The following MED26 variants were observed in gnomAD, a reference collection of about 807,000 sequenced individuals.
The protein encoded by MED26 is mediator complex subunit 26, also known as mediator of RNA polymerase II transcription subunit 26.
In MED26, 7 loss-of-function variants were observed where a neutral mutation model predicts 43.7. That is an observed-to-expected ratio of 0.16 (90% CI 0.09 to 0.30). The LOEUF (loss-of-function observed/expected upper bound fraction) is 0.30. MED26 is among the 10% of genes least tolerant of loss of function. The pLI, the probability that MED26 is intolerant of heterozygous loss-of-function variation, is 1.00. For synonymous variants in MED26, 375 were observed against 371.1 expected, an observed-to-expected ratio of 1.01 and a Z score of -0.12; for missense variants, 784 against 840.6, an observed-to-expected ratio of 0.93 and a Z score of 0.83.
rs1599326802 is a variant in MED26 at position 16,575,968 on chromosome 19, G to A, written c.*59C>T. The A allele has an allele frequency of 6.6e-7, 1 of 1,519,124 alleles. No individual in the cohort carries two copies. The highest frequency in any genetic ancestry group is 2.3e-5 in the East Asian group (1 of 42,978). 94.1% of individuals were successfully genotyped at this position (1,519,124 alleles called of 1,614,324 possible). A position where few individuals can be genotyped will look rare whatever the true frequency, so the allele number is the denominator to read the frequency against. On this transcript the variant is annotated 3_prime_UTR_variant, in exon 3 of 3. Transcript: ENST00000263390. ...CTGGGCCCCGGCCACCTGCCCACCT[G>A]CCTGCCCGCCCACCCGGCTTCTGCA... is the stretch of plus-strand genomic sequence containing the variant.
At chr19:16,610,068 C>T (rs529278669) in intron 1 of MED26, among the ~76,000 whole-genome samples, 2 of 151,588 alleles carry the variant, frequency 1.3e-5, no homozygotes, top group East Asian at 1.9e-4. Flanking sequence ...TCAAGACCAG[C>T]CTGGGCAACA....
chr19:16,599,145 C>A (rs1283234117), intron 1 of MED26, among the ~76,000 whole-genome samples: 1 of 152,118 alleles, frequency 6.6e-6, no homozygotes, highest in Non-Finnish European at 1.5e-5. Flanking sequence ...TTTTGATTGC[C>A]CTTTCCATTT....
intron 1 of MED26, among the ~76,000 whole-genome samples, chr19:16,614,165 A>T (rs1319861249): frequency 6.6e-6 from 1 of 152,180 alleles, no homozygotes. Context: ...GATCTGCTCC[A>T]AGGTCACCAA....
intron 1 of MED26, among the ~76,000 whole-genome samples, chr19:16,600,340 C>G (rs1033692794): frequency 6.6e-6 from 1 of 152,200 alleles, no homozygotes; most frequent in African/African-American, 2.4e-5. Context: ...ATGACTGGGA[C>G]CCCTGGCCCT....
chr19:16,603,026 A>AACAAAT (rs2086156959), intron 1 of MED26, among the ~76,000 whole-genome samples: 1 of 152,178 alleles, frequency 6.6e-6, no homozygotes, highest in Non-Finnish European at 1.5e-5. Flanking sequence ...CAAAAACAAA[A>AACAAAT]ACACCAGCGG....
intron 1 of MED26, among the ~76,000 whole-genome samples, chr19:16,622,473 C>T (rs2086256322): frequency 6.6e-6 from 1 of 152,252 alleles, no homozygotes; most frequent in African/African-American, 2.4e-5. Context: ...CCTTTAAATA[C>T]AGCATGTAGA....
rs545937352 is a variant in MED26 at position 16,586,897 on chromosome 19, T to A, written c.73-8488A>T. Reference sequence around the variant, plus strand: ...AACCGGTTCACTTTAAAAACAACAATGGGGATGTTGTCGGGTTTTTTTTTT... The same window carrying A: ...AACCGGTTCACTTTAAAAACAACAAAGGGGATGTTGTCGGGTTTTTTTTTT... On this transcript the variant is annotated intron_variant, in intron 1 of 2. Coordinates refer to ENST00000263390, the MANE Select transcript of MED26 (RefSeq NM_004831.5). This position sits in a 1 kb window ranked among gnomAD's most constrained non-coding sequence, Gnocchi z 5.1. 68 of 149,050 alleles carry A rather than the reference T, an allele frequency of 4.6e-4. No individual in the cohort carries two copies. Among genetic ancestry groups the A allele is most frequent in the African/African-American group, 1.7e-3 (67 of 40,314 alleles). 9.2% of individuals were successfully genotyped at this position (149,050 alleles called of 1,614,324 possible). A position where few individuals can be genotyped will look rare whatever the true frequency, so the allele number is the denominator to read the frequency against.
At chr19:16,600,129 T>TGGCTGTGGTGCACCCTCCCTAGGTCCCCC (rs1446879998) in intron 1 of MED26, among the ~76,000 whole-genome samples, 1 of 152,152 alleles carries the variant, frequency 6.6e-6, no homozygotes, top group Non-Finnish European at 1.5e-5. Flanking sequence ...AGCACCTCCC[T>TGGCTGTGGTGCACCCTCCCTAGGTCCCCC]GGCTGTGGTG....
At position 16,575,921 on chromosome 19, in the gene MED26, G is replaced by T; in HGVS notation, c.*106C>A. 2.3e-6 allele frequency: 2 copies of T among 882,272 alleles called. No homozygotes were observed. Among genetic ancestry groups the T allele is most frequent in the Non-Finnish European group, 3.4e-6 (2 of 589,540 alleles). 54.7% of individuals were successfully genotyped at this position (882,272 alleles called of 1,614,324 possible). On this transcript the variant is annotated 3_prime_UTR_variant, in exon 3 of 3. Coordinates refer to ENST00000263390, the MANE Select transcript of MED26 (RefSeq NM_004831.5). ...CCCTCCCGCCTGGGCCGGACTCCCC[G>T]AGTTCCCAGCGCAGGAGGCAGCTGG... is the stretch of plus-strand genomic sequence containing the variant.
chr19:16,624,079 A>C (rs973004494), intron 1 of MED26, among the ~76,000 whole-genome samples: 2 of 152,010 alleles, frequency 1.3e-5, no homozygotes, highest in Non-Finnish European at 2.9e-5. Context: ...GTTAGTTGAG[A>C]AACTTCACAC....
Position 16,576,826 on chromosome 19 carries a change from G to T in MED26, c.1004C>A (p.Ala335Glu). The T allele has an allele frequency of 6.2e-7, 1 of 1,609,144 alleles. No individual in the cohort carries two copies. The highest frequency in any genetic ancestry group is 1.7e-5 in the Admixed American group (1 of 59,726). Reference protein sequence around the residue: ...PVRRLELLPSAESPVCWLEQP... With the variant: ...PVRRLELLPSEESPVCWLEQP... The stretch of plus-strand genomic sequence containing the variant: ...CTCAAGCCAGCACACTGGGCTTTCC[G>T]CACTGGGCAGCAGCTCGAGCCGCCG... Residue 335 changes from alanine (A) to glutamate (E), a missense_variant, in exon 3 of 3, where the codon GCG (alanine) becomes GAG (glutamate). Physicochemically the swap from Ala to Glu is moderately radical, Grantham distance 107 (BLOSUM62 -1). Transcript: ENST00000263390. This position sits in a 1 kb window ranked among gnomAD's most constrained non-coding sequence, Gnocchi z 6.8.
At chr19:16,627,717 G>A (rs531213260) in intron 1 of MED26, among the ~76,000 whole-genome samples, 155 bp downstream of exon 1, 2 of 152,342 alleles carry the variant, frequency 1.3e-5, no homozygotes, top group South Asian at 2.1e-4. Context: ...CCCCCGGCCC[G>A]GGCCCGAGAA....
chr19:16,628,101 G>A lies in MED26; in HGVS notation c.-158C>T. On this transcript the variant is annotated 5_prime_UTR_variant, in exon 1 of 3. Coordinates refer to ENST00000263390, the MANE Select transcript of MED26 (RefSeq NM_004831.5). Reference sequence around the variant, plus strand: ...GCGCGGGGTGGCGGAGAGGGGAGCCGGGGCCGGGTCTCGGTCCCGGGCCGC... The same window carrying A: ...GCGCGGGGTGGCGGAGAGGGGAGCCAGGGCCGGGTCTCGGTCCCGGGCCGC... 1 of 389,282 alleles carries A rather than the reference G, an allele frequency of 2.6e-6. No individual in the cohort carries two copies. Among genetic ancestry groups the A allele is most frequent in the Non-Finnish European group, 4.5e-6 (1 of 223,218 alleles). 24.1% of individuals were successfully genotyped at this position (389,282 alleles called of 1,614,324 possible).
chr19:16,585,056 C>T (rs1423362911), intron 1 of MED26, among the ~76,000 whole-genome samples: 3 of 152,166 alleles, frequency 2.0e-5, no homozygotes, highest in African/African-American at 7.2e-5. Context: ...AAGTCTCAGG[C>T]CTCCTAACTG....
At chr19:16,583,855 G>A (rs1393340072) in intron 1 of MED26, among the ~76,000 whole-genome samples, 3 of 152,174 alleles carry the variant, frequency 2.0e-5, no homozygotes, top group Non-Finnish European at 4.4e-5. Context: ...CAAGCAGGGA[G>A]GCCTGGTCTC....
chr19:16,599,448 G>A (rs184531633), intron 1 of MED26, among the ~76,000 whole-genome samples: 40 of 152,248 alleles, frequency 2.6e-4, no homozygotes, highest in Non-Finnish European at 5.3e-4. Context: ...GATGTGTGGT[G>A]TCTCCAGACC....
At chr19:16,627,296 G>T (rs1005448790) in intron 1 of MED26, among the ~76,000 whole-genome samples, 1 of 152,178 alleles carries the variant, frequency 6.6e-6, no homozygotes, top group South Asian at 2.1e-4. Context: ...AGTCACAGAA[G>T]GGAGACAGAC....
intron 1 of MED26, among the ~76,000 whole-genome samples, chr19:16,598,691 C>A (rs981853765): frequency 5.9e-5 from 9 of 152,182 alleles, no homozygotes; most frequent in Admixed American, 5.9e-4. Context: ...AGTTCCAGTC[C>A]TGCCACCCCA....
chr19:16,597,329 T>C (rs2086124989), intron 1 of MED26: 1 of 398,290 alleles, frequency 2.5e-6, no homozygotes. Context: ...AGGGCTCTCC[T>C]GCTACTGTTA....
Sources: allele counts gnomAD v4.1 joint callset (sites outside exome capture counted in the v4.1 genomes callset), GRCh38; gene constraint gnomAD v4.1.1; non-coding constraint Gnocchi (gnomAD v3.1); transcripts MANE v1.5; gene names NCBI Gene and HGNC (gene_info 2026-07-23, HGNC 2026-07-21).